TMCC1: variants seen among roughly 807,000 people sequenced by gnomAD.
TMCC1 encodes transmembrane and coiled-coil domains protein 1.
TMCC1 carries 15 observed loss-of-function variants against 52.4 expected under a neutral mutation model. The ratio of observed to expected loss-of-function variants is 0.29; its 90% CI spans 0.19 to 0.44. The LOEUF (loss-of-function observed/expected upper bound fraction) is 0.44, where lower values mean the gene tolerates loss of function less well. Ranked by LOEUF, TMCC1 falls within the 20% of genes least tolerant of loss-of-function variation. The pLI, the probability that TMCC1 is intolerant of heterozygous loss-of-function variation, is 1.00. For missense variants in TMCC1, 503 were observed against 806.0 expected, an observed-to-expected ratio of 0.62 and a Z score of 4.55; for synonymous variants, 279 against 301.9, an observed-to-expected ratio of 0.92 and a Z score of 0.79.
chr3:129,785,598 CACAT>C (rs1383175414), intron 4 of TMCC1, among the ~76,000 whole-genome samples: 3 of 148,756 alleles, frequency 2.0e-5, no homozygotes, highest in African/African-American at 7.3e-5. Flanking sequence ...CACACACACA[CACAT>C]ACACACACAC....
At chr3:129,670,243 T>C (rs1188283192) in intron 5 of TMCC1, 87 bp downstream of exon 5, 29 of 1,405,314 alleles carry the variant, frequency 2.1e-5, no homozygotes, top group Non-Finnish European at 2.8e-5. Context: ...TAGAGAAAGA[T>C]AAAGACTTTT....
At chr3:129,654,230 G>A (rs531013009) in intron 6 of TMCC1, among the ~76,000 whole-genome samples, 75 of 152,266 alleles carry the variant, frequency 4.9e-4, no homozygotes, top group African/African-American at 1.7e-3. Flanking sequence ...TCAGACTGAC[G>A]CCAACTATAG....
chr3:129,853,225 T>G (rs1459780685), intron 2 of TMCC1, among the ~76,000 whole-genome samples: 1 of 151,976 alleles, frequency 6.6e-6, no homozygotes, highest in African/African-American at 2.4e-5. Flanking sequence ...AACTGTAGTA[T>G]ACACTGCAGT....
chr3:129,670,320 T>C lies in TMCC1; in HGVS notation c.1511+10A>G, dbSNP rs1560150611. On this transcript the variant is annotated intron_variant, in intron 5 of 6. Coordinates refer to ENST00000393238, the MANE Select transcript of TMCC1 (RefSeq NM_001017395.5). ...CAAATAATTTCAGATATTAATTCCA[T>C]GTGACTTACCTATATCGCTCCTCCT... 3.7e-6 allele frequency: 6 copies of C among 1,605,922 alleles called. No homozygotes were observed. Among genetic ancestry groups the C allele is most frequent in the African/African-American group, 1.3e-5 (1 of 74,674 alleles).
At chr3:129,813,798 A>G (rs1419964132) in intron 4 of TMCC1, among the ~76,000 whole-genome samples, 2 of 152,066 alleles carry the variant, frequency 1.3e-5, no homozygotes, top group Non-Finnish European at 2.9e-5. Flanking sequence ...ACCTAAAATA[A>G]AAGTTAAAAA....
At chr3:129,764,158 C>T (rs2053885385) in intron 4 of TMCC1, among the ~76,000 whole-genome samples, 1 of 152,124 alleles carries the variant, frequency 6.6e-6, no homozygotes, top group Non-Finnish European at 1.5e-5. Context: ...TCTTTCAAAA[C>T]TGGAATGTTT....
chr3:129,656,963 CTA>C (rs1686756694), intron 5 of TMCC1, among the ~76,000 whole-genome samples: 2 of 152,158 alleles, frequency 1.3e-5, no homozygotes, highest in African/African-American at 4.8e-5. Flanking sequence ...CGTGACTGTC[CTA>C]TGTTAGCCCA....
rs940981101 is a variant in TMCC1 at position 129,774,662 on chromosome 3, A to G, written c.576+53141T>C. On this transcript the variant is annotated intron_variant, in intron 4 of 6. Coordinates refer to ENST00000393238, the MANE Select transcript of TMCC1 (RefSeq NM_001017395.5). ...AGAAATGACACCTAGGCTAAGACCC[A>G]AGGGACCTTAGGAGTTTCTTTTTTA... Among the ~76,000 whole-genome samples the G allele has an allele frequency of 2.0e-5, 3 of 152,230 alleles. No individual in the cohort carries two copies. The East Asian group carries it at 5.8e-4, about 29-fold the overall frequency.
In TMCC1 at chr3:129,846,867, TAAAAAAAAAAA is replaced by T. The variant is rs34419693; in HGVS notation, c.-183-14052_-183-14042del. On this transcript the variant is annotated intron_variant, in intron 2 of 6. Coordinates refer to ENST00000393238, the MANE Select transcript of TMCC1 (RefSeq NM_001017395.5). Reference sequence around the variant, plus strand: ...AACATAGCAAGACCTCAATCTCTACTAAAAAAAAAAAAAAAAAAAAAAAAAAAGGGCAGGAG... The same window carrying T: ...AACATAGCAAGACCTCAATCTCTACTAAAAAAAAAAAAAAAAGGGCAGGAG... 6.9e-3 allele frequency among the ~76,000 whole-genome samples: 289 copies of T among 41,888 alleles called. 3 individuals are homozygous for T. The highest frequency in any genetic ancestry group is 0.026 in the African/African-American group (265 of 10,042). 27.5% of individuals were successfully genotyped at this position (41,888 alleles called of 152,430 possible).
At chr3:129,779,588 A>C (rs1367238909) in intron 4 of TMCC1, among the ~76,000 whole-genome samples, 1 of 152,212 alleles carries the variant, frequency 6.6e-6, no homozygotes, top group East Asian at 1.9e-4. Context: ...AAACATACTG[A>C]GAGTCTTTAT....
At chr3:129,767,981 A>G (rs1307968954) in intron 4 of TMCC1, among the ~76,000 whole-genome samples, 1 of 152,238 alleles carries the variant, frequency 6.6e-6, no homozygotes, top group Non-Finnish European at 1.5e-5. Flanking sequence ...ACCTGAGCCC[A>G]GGAGTTTGAG....
intron 4 of TMCC1, among the ~76,000 whole-genome samples, chr3:129,766,279 C>T (rs373365938): frequency 8.5e-5 from 13 of 152,158 alleles, no homozygotes; most frequent in Non-Finnish European, 1.3e-4. Flanking sequence ...GAGACAGCAA[C>T]GCCCTGATGT....
chr3:129,713,756 C>A (rs1336192877), intron 4 of TMCC1, among the ~76,000 whole-genome samples: 1 of 151,308 alleles, frequency 6.6e-6, no homozygotes, highest in Non-Finnish European at 1.5e-5. Flanking sequence ...AATGGAGTTT[C>A]TAGAAATTAA....
At chr3:129,749,027 A>G (rs2052256153) in intron 4 of TMCC1, among the ~76,000 whole-genome samples, 1 of 152,138 alleles carries the variant, frequency 6.6e-6, no homozygotes, top group Non-Finnish European at 1.5e-5. Context: ...TCCGCTAAAA[A>G]AAAATAATTA....
At chr3:129,818,810 A>T (rs996053710) in intron 4 of TMCC1, 1 of 152,218 alleles carries the variant, frequency 6.6e-6, no homozygotes, top group African/African-American at 2.4e-5. Context: ...ACATTAAATA[A>T]ATAATACTAT....
chr3:129,738,265 C>T (rs367643896), intron 4 of TMCC1, among the ~76,000 whole-genome samples: 235 of 103,788 alleles, frequency 2.3e-3, no homozygotes, highest in African/African-American at 7.5e-3. Flanking sequence ...AGTGAGACTC[C>T]GCCTAAACAA....
chr3:129,854,631 C>A (rs562309998), intron 2 of TMCC1, among the ~76,000 whole-genome samples: 2 of 152,224 alleles, frequency 1.3e-5, no homozygotes, highest in Non-Finnish European at 1.5e-5. Context: ...ATTCTCCCTT[C>A]TACCACAGGG....
intron 4 of TMCC1, among the ~76,000 whole-genome samples, chr3:129,752,859 G>A (rs1303808998): frequency 6.6e-6 from 1 of 152,146 alleles, no homozygotes; most frequent in Admixed American, 6.6e-5. Flanking sequence ...AGGCTGTACA[G>A]GAAGCATGGC....
chr3:129,815,868 C>A (rs1415969952), intron 4 of TMCC1, among the ~76,000 whole-genome samples: 3 of 152,096 alleles, frequency 2.0e-5, no homozygotes, highest in Non-Finnish European at 2.9e-5. Flanking sequence ...GATTAATAAC[C>A]AGAATACATA....
Sources: gnomAD v4.1 joint callset for allele counts (sites outside exome capture counted in the v4.1 genomes callset) on GRCh38, gnomAD v4.1.1 for gene constraint, MANE v1.5 for transcripts, NCBI Gene and HGNC (gene_info 2026-07-23, HGNC 2026-07-21) for gene names.